Variants in TMEM178A observed in about 807,000 individuals in gnomAD.
TMEM178A encodes transmembrane protein 178.
A neutral mutation model predicts 29.1 loss-of-function variants in TMEM178A; 12 were observed. The ratio of observed to expected loss-of-function variants is 0.41; its 90% CI spans 0.26 to 0.67. The LOEUF (loss-of-function observed/expected upper bound fraction) is 0.67, where lower values mean the gene tolerates loss of function less well. Among genes scored for constraint, TMEM178A ranks in the 30% least tolerant of loss-of-function variants. The pLI is 0.29. For synonymous variants in TMEM178A, 210 were observed against 187.2 expected (o/e 1.12, Z -0.99); for missense variants, 366 against 419.1 (o/e 0.87, Z 1.11).
intron 1 of TMEM178A, among the ~76,000 whole-genome samples, chr2:39,671,677 C>G (rs760320135): frequency 7.2e-5 from 11 of 152,142 alleles, no homozygotes; most frequent in Non-Finnish European, 1.2e-4. Flanking sequence ...CATCATAAAA[C>G]AGACAAAAGC....
chr2:39,689,114 C>T (rs981591220), intron 1 of TMEM178A, among the ~76,000 whole-genome samples: 5 of 152,110 alleles, frequency 3.3e-5, no homozygotes, highest in Admixed American at 1.3e-4. Context: ...ATAAAGGAAA[C>T]AAACTTTTGA....
intron 1 of TMEM178A, among the ~76,000 whole-genome samples, chr2:39,701,427 GT>G (rs978285336): frequency 2.6e-5 from 4 of 151,794 alleles, no homozygotes; most frequent in South Asian, 2.1e-4. Context: ...ATCTTTCAAA[GT>G]TTTTTTTGTG....
At chr2:39,680,540 A>G (rs1670824238) in intron 1 of TMEM178A, among the ~76,000 whole-genome samples, 1 of 152,194 alleles carries the variant, frequency 6.6e-6, no homozygotes, top group South Asian at 2.1e-4. Context: ...ACTCAACTGT[A>G]TAATTTATAA....
intron 1 of TMEM178A, among the ~76,000 whole-genome samples, chr2:39,684,737 C>G (rs1671002590): frequency 1.3e-5 from 2 of 152,128 alleles, no homozygotes. Flanking sequence ...GACCTTTCCT[C>G]TTAGCTCTTT....
At chr2:39,671,638 A>G (rs1332914183) in intron 1 of TMEM178A, among the ~76,000 whole-genome samples, 1 of 152,172 alleles carries the variant, frequency 6.6e-6, no homozygotes, top group African/African-American at 2.4e-5. Flanking sequence ...TCATTTTTAA[A>G]TTATGTGCAT....
intron 1 of TMEM178A, among the ~76,000 whole-genome samples, 183 bp downstream of exon 1, chr2:39,666,557 C>T (rs1670170564): frequency 1.3e-5 from 2 of 152,232 alleles, no homozygotes; most frequent in African/African-American, 4.8e-5. Context: ...TGCCTCCCTT[C>T]TTCTCCCTCT....
chr2:39,731,357 T>C, the TMEM178A span, among the ~76,000 whole-genome samples: 53 of 152,328 alleles, frequency 3.5e-4, no homozygotes, highest in African/African-American at 1.2e-3. Flanking sequence ...ATTGAGCCCA[T>C]GATTCTGCGG....
chr2:39,716,715 A>G (rs1006695009), intron 3 of TMEM178A, among the ~76,000 whole-genome samples: 12 of 152,192 alleles, frequency 7.9e-5, no homozygotes, highest in African/African-American at 2.9e-4. Flanking sequence ...GAATAAAAAA[A>G]GAATTCCAAT....
At chr2:39,731,770 G>A in the TMEM178A span, among the ~76,000 whole-genome samples, 20 of 152,212 alleles carry the variant, frequency 1.3e-4, no homozygotes, top group Middle Eastern at 3.2e-3. Flanking sequence ...TTAGTCAGCA[G>A]TGGCAGTGGC....
intron 1 of TMEM178A, among the ~76,000 whole-genome samples, chr2:39,673,033 C>T (rs754240677): frequency 1.3e-5 from 2 of 152,188 alleles, no homozygotes; most frequent in African/African-American, 2.4e-5. Context: ...TTGTGTACAT[C>T]TGTAGTGCTG....
intron 1 of TMEM178A, 35 bp downstream of exon 1, chr2:39,666,409 C>G: frequency 7.7e-7 from 1 of 1,301,608 alleles, no homozygotes; most frequent in Non-Finnish European, 9.8e-7. Context: ...CCCCGGCGCC[C>G]GCGCGTGGAG....
chr2:39,720,759 G>C (rs764956876), downstream of TMEM178A, among the ~76,000 whole-genome samples: 4 of 152,082 alleles, frequency 2.6e-5, no homozygotes, highest in African/African-American at 9.7e-5. Context: ...TTCTTCCCTG[G>C]ACAGAGCTGA....
At chr2:39,710,607 T>C (rs1013360742) in intron 3 of TMEM178A, among the ~76,000 whole-genome samples, 11 of 152,210 alleles carry the variant, frequency 7.2e-5, no homozygotes, top group Non-Finnish European at 1.3e-4. Context: ...GCCTTGAAAT[T>C]TCCTTTGCAA....
intron 1 of TMEM178A, among the ~76,000 whole-genome samples, chr2:39,693,936 A>G (rs1216015269): frequency 1.3e-5 from 2 of 150,894 alleles, no homozygotes; most frequent in African/African-American, 2.4e-5. Context: ...CTTTTTGAAC[A>G]CTATTATTTC....
the TMEM178A span, among the ~76,000 whole-genome samples, chr2:39,724,260 A>G: frequency 2.0e-5 from 3 of 151,912 alleles, no homozygotes; most frequent in Admixed American, 1.3e-4. Context: ...TTTTTAAATT[A>G]TTAGATGAAA....
chr2:39,697,526 G>T (rs925868830), intron 1 of TMEM178A, among the ~76,000 whole-genome samples: 4 of 152,150 alleles, frequency 2.6e-5, no homozygotes, highest in Non-Finnish European at 5.9e-5. Flanking sequence ...TGCAAACTCA[G>T]CTGTGGAGCT....
intron 1 of TMEM178A, among the ~76,000 whole-genome samples, chr2:39,670,991 G>A (rs753780380): frequency 6.6e-6 from 1 of 152,078 alleles, no homozygotes; most frequent in Non-Finnish European, 1.5e-5. Flanking sequence ...AAAAATGATA[G>A]GATTTCAGAA....
At chr2:39,734,659 G>C in the TMEM178A span, among the ~76,000 whole-genome samples, 1 of 152,186 alleles carries the variant, frequency 6.6e-6, no homozygotes, top group Non-Finnish European at 1.5e-5. Context: ...GTCTAAACAA[G>C]ATCTGCTAGT....
At chr2:39,734,966 T>G in the TMEM178A span, among the ~76,000 whole-genome samples, 5 of 152,210 alleles carry the variant, frequency 3.3e-5, no homozygotes, top group East Asian at 9.6e-4. Context: ...AGCTACCATT[T>G]TCTTTTGCCT....
Sources: allele counts gnomAD v4.1 joint callset (sites outside exome capture counted in the v4.1 genomes callset), GRCh38; gene constraint gnomAD v4.1.1; transcripts MANE v1.5; gene names NCBI Gene and HGNC (gene_info 2026-07-23, HGNC 2026-07-21).